Variants in CASK observed in about 807,000 individuals in gnomAD.
The protein encoded by CASK is calcium/calmodulin dependent serine protein kinase.
Under a neutral mutation model 82.9 loss-of-function variants are expected in CASK, and 4 were observed. The observed-to-expected ratio is 0.05, with a 90% CI of 0.02 to 0.11. CASK has a LOEUF of 0.11. CASK is among the 10% of genes least tolerant of loss of function. The probability of loss-of-function intolerance (pLI) is 1.00; values close to 1 mark genes in which losing one functional copy is unlikely to be tolerated. For synonymous variants in CASK, 259 were observed against 253.5 expected (o/e 1.02, Z -0.20); for missense variants, 358 against 720.9 (o/e 0.50, Z 5.76).
chrX:41,803,134 C>A (rs1285847077), intron 2 of CASK, among the ~76,000 whole-genome samples: 1 of 111,140 alleles, frequency 9.0e-6, no homozygotes, highest in Admixed American at 9.6e-5. Flanking sequence ...GGACAGCAAC[C>A]AACTTACAAT....
At chrX:41,767,672 A>T (rs922821137) in intron 3 of CASK, among the ~76,000 whole-genome samples, 1 of 111,541 alleles carries the variant, frequency 9.0e-6, no homozygotes, top group South Asian at 3.7e-4. Context: ...GTTTTAAAGC[A>T]TGCTGGCCAA....
intron 21 of CASK, among the ~76,000 whole-genome samples, chrX:41,552,055 T>C (rs1166134104): frequency 9.4e-6 from 1 of 105,841 alleles, no homozygotes; most frequent in Non-Finnish European, 1.9e-5. Context: ...GCCTCCCAAG[T>C]AGCTGGGATT....
intron 25 of CASK, chrX:41,529,435 C>T: frequency 5.9e-6 from 1 of 170,793 alleles, no homozygotes; most frequent in South Asian, 9.1e-5. Context: ...GCAGCGGAGG[C>T]AGGTAAGGCA....
chrX:41,667,317 GTTAATC>G (rs2067132975), intron 6 of CASK, among the ~76,000 whole-genome samples: 1 of 111,571 alleles, frequency 9.0e-6, no homozygotes, highest in South Asian at 3.7e-4. Flanking sequence ...AAGGACTGGA[GTTAATC>G]TTTAATATAC....
intron 2 of CASK, among the ~76,000 whole-genome samples, chrX:41,835,198 T>A (rs1021789905): frequency 8.9e-6 from 1 of 111,907 alleles, no homozygotes; most frequent in African/African-American, 3.2e-5. Context: ...AAATTCCACT[T>A]ATAGTAGAGG....
intron 8 of CASK, among the ~76,000 whole-genome samples, chrX:41,656,738 G>A (rs2066946983): frequency 9.0e-6 from 1 of 110,597 alleles, no homozygotes; most frequent in African/African-American, 3.3e-5. Flanking sequence ...AAGGGGGGTG[G>A]TAGAGGATGC....
chrX:41,563,040 C>CAAAAAAAAAAAAAA (rs141364032), intron 16 of CASK, among the ~76,000 whole-genome samples: 85 of 22,092 alleles, frequency 3.8e-3, no homozygotes, highest in Admixed American at 4.5e-3. Flanking sequence ...GACTCCATCT[C>CAAAAAAAAAAAAAA]AAAAAAAAAA....
chrX:41,884,823 C>T (rs1301888067), intron 1 of CASK, among the ~76,000 whole-genome samples: 1 of 111,497 alleles, frequency 9.0e-6, no homozygotes, highest in Non-Finnish European at 1.9e-5. Flanking sequence ...ACAAGGATGG[C>T]TGGGAAGAAG....
intron 5 of CASK, among the ~76,000 whole-genome samples, chrX:41,722,598 G>A (rs1298376198): frequency 8.9e-6 from 1 of 112,309 alleles, no homozygotes; most frequent in Non-Finnish European, 1.9e-5. Flanking sequence ...CTGGCACATA[G>A]TAAGCTCTCA....
intron 5 of CASK, among the ~76,000 whole-genome samples, chrX:41,719,197 T>C (rs1340517092): frequency 8.9e-6 from 1 of 111,990 alleles, no homozygotes; most frequent in Non-Finnish European, 1.9e-5. Context: ...TTTGCTGGAA[T>C]GGCCCTGGTT....
intron 1 of CASK, among the ~76,000 whole-genome samples, chrX:41,913,108 T>C (rs1427671065): frequency 9.0e-6 from 1 of 110,814 alleles, no homozygotes; most frequent in Non-Finnish European, 1.9e-5. Context: ...ATTCAACAAC[T>C]GCTGACCAAA....
intron 3 of CASK, among the ~76,000 whole-genome samples, chrX:41,782,133 T>C (rs1424532344): frequency 1.8e-5 from 2 of 111,696 alleles, no homozygotes; most frequent in Non-Finnish European, 3.8e-5. Flanking sequence ...AGAGTATTTA[T>C]AGGTGAAATT....
rs2064595912 is a variant in CASK, at chrX:41,518,770, G to A, written c.*1650C>T. ...CAAAAAATGATGGTATGTTTTCAAG[G>A]ATCACAGGTTAATATAAGCACTTCA... On this transcript the variant is annotated 3_prime_UTR_variant, in exon 27 of 27. Coordinates refer to ENST00000378163, the MANE Select transcript of CASK (RefSeq NM_001367721.1). The A allele has an allele frequency of 9.0e-6, 1 of 110,599 alleles. No individual in the cohort carries two copies. The highest frequency in any genetic ancestry group is 3.3e-5 in the African/African-American group (1 of 30,360). 9.1% of individuals were successfully genotyped at this position (110,599 alleles called of 1,213,427 possible).
At chrX:41,875,413 T>C (rs753710897) in intron 1 of CASK, among the ~76,000 whole-genome samples, 2 of 111,737 alleles carry the variant, frequency 1.8e-5, no homozygotes, top group East Asian at 5.6e-4. Context: ...TATCCTCTCA[T>C]GCAGAACATC....
intron 3 of CASK, among the ~76,000 whole-genome samples, chrX:41,773,479 G>C (rs2069286155): frequency 9.0e-6 from 1 of 110,876 alleles, no homozygotes; most frequent in African/African-American, 3.3e-5. Context: ...CATAAATCAT[G>C]ACCAGGTTTG....
At chrX:41,751,062 T>C (rs1448644243) in intron 3 of CASK, among the ~76,000 whole-genome samples, 3 of 112,057 alleles carry the variant, frequency 2.7e-5, no homozygotes, top group African/African-American at 9.7e-5. Context: ...ACAAAAACTG[T>C]ATGAAATGTT....
intron 2 of CASK, among the ~76,000 whole-genome samples, chrX:41,803,291 A>G (rs1310013607): frequency 8.9e-6 from 1 of 111,947 alleles, no homozygotes. Flanking sequence ...AATAATACAT[A>G]AAATAACAAG....
chrX:41,578,647 G>A, intron 14 of CASK, 119 bp from the exon 15 acceptor site: 2 of 523,020 alleles, frequency 3.8e-6, no homozygotes, highest in East Asian at 7.5e-5. Context: ...GCAGTGCAGT[G>A]GTGAGATCTC....
intron 5 of CASK, among the ~76,000 whole-genome samples, chrX:41,680,492 T>A (rs916522383): frequency 2.4e-4 from 26 of 107,724 alleles, no homozygotes; most frequent in African/African-American, 5.4e-4. Context: ...AAAATAATAA[T>A]AATAAAAATA....
Sources: gnomAD v4.1 joint callset for allele counts (sites outside exome capture counted in the v4.1 genomes callset) on GRCh38, gnomAD v4.1.1 for gene constraint, MANE v1.5 for transcripts, NCBI Gene and HGNC (gene_info 2026-07-23, HGNC 2026-07-21) for gene names.